Variants in FMNL2 observed in about 807,000 individuals in gnomAD.
The protein encoded by FMNL2 is formin-like protein 2.
Under a neutral mutation model 130.2 loss-of-function variants are expected in FMNL2, and 51 were observed. The ratio of observed to expected loss-of-function variants is 0.39; its 90% CI spans 0.31 to 0.49. The LOEUF (loss-of-function observed/expected upper bound fraction) is 0.49. FMNL2 is among the 20% of genes least tolerant of loss of function. FMNL2 has a pLI of 0.85. For missense variants in FMNL2, 977 were observed against 1,316.2 expected (o/e 0.74, Z 3.99); for synonymous variants, 465 against 467.1 (o/e 1.00, Z 0.06).
chr2:152,436,015 T>C (rs1687743169), intron 1 of FMNL2, among the ~76,000 whole-genome samples: 1 of 150,218 alleles, frequency 6.7e-6, no homozygotes, highest in Admixed American at 6.7e-5. Context: ...ACATAAAACA[T>C]TGTTTATACC....
intron 1 of FMNL2, among the ~76,000 whole-genome samples, chr2:152,513,646 T>C (rs1254080654): frequency 6.6e-6 from 1 of 152,160 alleles, no homozygotes. Flanking sequence ...GCAAGCCTTC[T>C]AAGAAAATAG....
chr2:152,335,837 G>A (rs1490637570), intron 1 of FMNL2, 117 bp downstream of exon 1: 3 of 665,678 alleles, frequency 4.5e-6, no homozygotes, highest in African/African-American at 2.0e-5. Flanking sequence ...TCCCGAGGGG[G>A]AGGCTCCCGC....
At chr2:152,601,678 T>C (rs1396739012) in intron 9 of FMNL2, among the ~76,000 whole-genome samples, 1 of 147,178 alleles carries the variant, frequency 6.8e-6, no homozygotes, top group African/African-American at 2.5e-5. Context: ...TTTCTTTTTT[T>C]TTTTTTTTTG....
intron 1 of FMNL2, among the ~76,000 whole-genome samples, chr2:152,402,895 G>A (rs541677818): frequency 3.9e-4 from 60 of 152,010 alleles, no homozygotes; most frequent in Middle Eastern, 6.8e-3. Flanking sequence ...GTTCTTTTTC[G>A]GTCCGGGGAT....
At chr2:152,454,248 G>C (rs1688822573) in intron 1 of FMNL2, among the ~76,000 whole-genome samples, 2 of 152,172 alleles carry the variant, frequency 1.3e-5, no homozygotes, top group South Asian at 4.1e-4. Flanking sequence ...CTGCATTCCA[G>C]CCTGGGCCAC....
Position 152,390,572 on chromosome 2 carries a change from G to A in FMNL2, c.117+54852G>A, listed in dbSNP as rs903235057. 5 of 1,409,398 alleles carry A rather than the reference G, an allele frequency of 3.5e-6. No individual in the cohort carries two copies. The African/African-American group carries it at 5.6e-5, about 16-fold the overall frequency. 87.3% of individuals were successfully genotyped at this position (1,409,398 alleles called of 1,614,324 possible). On this transcript the variant is annotated intron_variant, in intron 1 of 25. Transcript: ENST00000288670. ...TCTCAGACGAACAGAAGAAACAGGA[G>A]ATTCTGAAGAAGTTCATGGATCAGC...
At chr2:152,641,062 T>G (rs1210333960) in intron 25 of FMNL2, 148 bp downstream of exon 25, 2 of 1,021,418 alleles carry the variant, frequency 2.0e-6, no homozygotes, top group Admixed American at 2.6e-5. Flanking sequence ...CAGAGAGGCT[T>G]TGAAGTCCAT....
intron 1 of FMNL2, among the ~76,000 whole-genome samples, chr2:152,487,735 T>C (rs1558905679): frequency 6.6e-6 from 1 of 152,164 alleles, no homozygotes; most frequent in Non-Finnish European, 1.5e-5. Flanking sequence ...ATAGTCTTTA[T>C]AGTTATGTGT....
intron 6 of FMNL2, among the ~76,000 whole-genome samples, chr2:152,574,637 A>C (rs1213870367): frequency 6.6e-6 from 1 of 152,194 alleles, no homozygotes; most frequent in South Asian, 2.1e-4. Flanking sequence ...AACAAAAGGC[A>C]GTTGATTCCA....
At chr2:152,357,091 AC>A (rs1682857001) in intron 1 of FMNL2, among the ~76,000 whole-genome samples, 2 of 106,240 alleles carry the variant, frequency 1.9e-5, no homozygotes, top group Admixed American at 8.6e-5. Context: ...GATAAATATT[AC>A]ATAAGTTTAA....
intron 1 of FMNL2, among the ~76,000 whole-genome samples, chr2:152,498,826 A>G (rs537544886): frequency 1.3e-5 from 2 of 152,328 alleles, no homozygotes; most frequent in African/African-American, 4.8e-5. Context: ...TACTTACCTG[A>G]ATGTTCAGAG....
At chr2:152,601,521 G>A (rs534355087) in intron 9 of FMNL2, among the ~76,000 whole-genome samples, 4 of 151,222 alleles carry the variant, frequency 2.6e-5, no homozygotes, top group South Asian at 4.2e-4. Flanking sequence ...GGCTAGTCTC[G>A]AACTCCTGAC....
In FMNL2 at chr2:152,514,786, G is replaced by T. The variant is rs545599935; in HGVS notation, c.118-7157G>T. On this transcript the variant is annotated intron_variant, in intron 1 of 25. Transcript: ENST00000288670. ...TCTCTCTCTCACAAAATATCTTATT[G>T]TTCTCCACGAACCTATTTTGGGGCC... Among the ~76,000 whole-genome samples the T allele has an allele frequency of 2.6e-5, 4 of 152,008 alleles. No individual in the cohort carries two copies. The South Asian group carries it at 8.3e-4, about 32-fold the overall frequency.
chr2:152,641,069 C>A (rs1340201481), intron 25 of FMNL2, among the ~76,000 whole-genome samples, 155 bp downstream of exon 25: 1 of 152,132 alleles, frequency 6.6e-6, no homozygotes, highest in African/African-American at 2.4e-5. Flanking sequence ...GCTTTGAAGT[C>A]CATTTACAGC....
intron 1 of FMNL2, among the ~76,000 whole-genome samples, chr2:152,468,544 A>C (rs1028077642): frequency 5.3e-5 from 8 of 152,226 alleles, no homozygotes; most frequent in East Asian, 1.9e-4. Context: ...TGCTGTAAGT[A>C]AAAATACACA....
intron 9 of FMNL2, 46 bp from the exon 10 acceptor site, chr2:152,607,293 G>T: frequency 2.0e-6 from 3 of 1,515,138 alleles, no homozygotes; most frequent in East Asian, 2.3e-5. Context: ...ATTTTGGAAT[G>T]TTTATGTTTA....
intron 18 of FMNL2, among the ~76,000 whole-genome samples, 156 bp from the exon 19 acceptor site, chr2:152,629,500 A>G (rs1682024228): frequency 6.6e-6 from 1 of 152,208 alleles, no homozygotes; most frequent in Non-Finnish European, 1.5e-5. Flanking sequence ...CAAGACAATT[A>G]AATTTGTTAT....
chr2:152,478,424 G>C (rs563177791), intron 1 of FMNL2, among the ~76,000 whole-genome samples: 1 of 151,820 alleles, frequency 6.6e-6, no homozygotes, highest in African/African-American at 2.4e-5. Context: ...TTTTAGTAGA[G>C]ACGGGGTTTT....
intron 1 of FMNL2, among the ~76,000 whole-genome samples, chr2:152,420,012 G>T (rs1404021019): frequency 1.3e-5 from 2 of 152,208 alleles, no homozygotes; most frequent in Non-Finnish European, 2.9e-5. Context: ...AACTTGGAAA[G>T]GGATAGGGAA....
Sources: gnomAD v4.1 joint callset for allele counts (sites outside exome capture counted in the v4.1 genomes callset) on GRCh38, gnomAD v4.1.1 for gene constraint, MANE v1.5 for transcripts, NCBI Gene and HGNC (gene_info 2026-07-23, HGNC 2026-07-21) for gene names.